The following DNAH8 variants were observed in gnomAD, a reference collection of about 807,000 sequenced individuals.
DNAH8 encodes the protein dynein axonemal heavy chain 8.
In DNAH8, 382 loss-of-function variants were observed where a neutral mutation model predicts 562.1. The observed-to-expected ratio is 0.68, with a 90% CI of 0.63 to 0.74. DNAH8 has a LOEUF of 0.74. DNAH8 is among the 30% of genes least tolerant of loss of function. The probability of loss-of-function intolerance (pLI) is 0.00; values close to 1 mark genes in which losing one functional copy is unlikely to be tolerated. For synonymous variants in DNAH8, 1,881 were observed against 1,919.4 expected, an observed-to-expected ratio of 0.98 and a Z score of 0.52; for missense variants, 5,203 against 5,620.4, an observed-to-expected ratio of 0.93 and a Z score of 2.37.
chr6:38,874,609 T>A (rs1777847475), intron 52 of DNAH8, among the ~76,000 whole-genome samples: 1 of 151,886 alleles, frequency 6.6e-6, no homozygotes, highest in Non-Finnish European at 1.5e-5. Context: ...ACTCAAGCAG[T>A]CCTCCTGCCT....
intron 11 of DNAH8, among the ~76,000 whole-genome samples, chr6:38,769,916 A>C (rs1270441440): frequency 1.3e-5 from 2 of 152,222 alleles, no homozygotes; most frequent in African/African-American, 4.8e-5. Context: ...CAGCAATCTT[A>C]TTCTCTTTTT....
rs149534667 is a variant in DNAH8, at chr6:38,775,873, A to G, written c.1884A>G (p.Gln628=). 917 of 1,612,684 alleles carry G rather than the reference A, an allele frequency of 5.7e-4. 4 individuals carry two copies. The African/African-American group carries it at 9.8e-3, about 17-fold the overall frequency. ...RNIYQGVKKK[Q]YDILDPRRTE... ...TATACCAAGGGGTTAAGAAAAAGCA[A>G]TATGACATTCTGGATCCAAGAAGGA... The change falls in exon 13 of 93, where the codon CAA becomes CAG. Residue 628 remains glutamine (Q), a synonymous_variant. Coordinates refer to ENST00000327475, the MANE Select transcript of DNAH8 (RefSeq NM_001206927.2).
At chr6:38,857,472 C>T in intron 41 of DNAH8, 46 bp from the exon 42 acceptor site, 1 of 1,344,096 alleles carries the variant, frequency 7.4e-7, no homozygotes, top group Non-Finnish European at 1.0e-6. Context: ...TGCAGATGTG[C>T]TTTAAATATT....
At chr6:38,942,751 A>C (rs1332683513) in intron 79 of DNAH8, among the ~76,000 whole-genome samples, 1 of 152,306 alleles carries the variant, frequency 6.6e-6, no homozygotes, top group South Asian at 2.1e-4. Context: ...CCTAGCCTGC[A>C]CCTGAGGTGT....
intron 28 of DNAH8, among the ~76,000 whole-genome samples, chr6:38,824,668 C>T (rs1773154819): frequency 6.6e-6 from 1 of 152,150 alleles, no homozygotes; most frequent in African/African-American, 2.4e-5. Context: ...AATTTGGCCA[C>T]TTGGGTTACT....
intron 56 of DNAH8, among the ~76,000 whole-genome samples, chr6:38,884,335 C>G (rs1778753244): frequency 6.6e-6 from 1 of 152,112 alleles, no homozygotes; most frequent in South Asian, 2.1e-4. Context: ...CTCTCTCACC[C>G]AAGCTCGAGT....
chr6:38,845,605 A>G lies in DNAH8; in HGVS notation c.4877A>G (p.Asp1626Gly). The G allele has an allele frequency of 1.2e-6, 2 of 1,613,930 alleles. No homozygotes were observed. The highest frequency in any genetic ancestry group is 1.7e-6 in the Non-Finnish European group (2 of 1,179,856). ...TGCATATCTGCCATTAAGGAGAAGG[A>G]TATCGAAGCCAAGCTGACTCAGGTG... is the stretch of plus-strand genomic sequence containing the variant. ...DICISAIKEKDIEAKLTQVIE... is the reference protein window; with the variant it reads ...DICISAIKEKGIEAKLTQVIE... Residue 1626 changes from aspartate to glycine, a missense_variant, in exon 36 of 93, where the codon GAT (aspartate) becomes GGT (glycine). Coordinates refer to ENST00000327475, the MANE Select transcript of DNAH8 (RefSeq NM_001206927.2).
chr6:38,859,772 C>G (rs1295136420), intron 42 of DNAH8, among the ~76,000 whole-genome samples: 1 of 152,222 alleles, frequency 6.6e-6, no homozygotes, highest in Non-Finnish European at 1.5e-5. Flanking sequence ...ATGCTGATGA[C>G]TAGGCAGATT....
intron 10 of DNAH8, among the ~76,000 whole-genome samples, chr6:38,756,861 T>G (rs1050127143): frequency 1.1e-4 from 16 of 152,174 alleles, no homozygotes; most frequent in Non-Finnish European, 2.1e-4. Flanking sequence ...CATCGTTTTT[T>G]ATGGCTGCAT....
rs1258211015 is a variant in DNAH8 at position 38,853,341 on chromosome 6, AG to A, written c.5728del (p.Ala1910HisfsTer32). The A allele has an allele frequency of 6.2e-7, 1 of 1,612,972 alleles. No homozygotes were observed. Among genetic ancestry groups the A allele is most frequent in the Non-Finnish European group, 8.5e-7 (1 of 1,179,584 alleles). On this transcript the variant is annotated frameshift_variant, in exon 41 of 93. Transcript: ENST00000327475. LOFTEE classifies it high-confidence loss of function. ...QLLPFLSHFP[A>X]QVGLLGIQML... is the part of the protein sequence containing the mutation. ...TCTTACCATTCCTCAGCCACTTTCC[AG>A]CACAGGTGAGAATACACAATGCTTA...
chr6:38,902,064 G>A (rs1015192673), intron 62 of DNAH8, among the ~76,000 whole-genome samples: 1 of 152,162 alleles, frequency 6.6e-6, no homozygotes, highest in Non-Finnish European at 1.5e-5. Context: ...GATTCCTGTA[G>A]GCATCTAAAT....
chr6:38,868,004 T>G, intron 47 of DNAH8, 58 bp from the exon 48 acceptor site: 2 of 1,549,666 alleles, frequency 1.3e-6, no homozygotes, highest in Non-Finnish European at 1.8e-6. Context: ...GAGTGAGCCG[T>G]GAGTCTATGT....
intron 62 of DNAH8, among the ~76,000 whole-genome samples, chr6:38,905,101 C>T (rs1780355759): frequency 6.6e-6 from 1 of 152,152 alleles, no homozygotes; most frequent in African/African-American, 2.4e-5. Flanking sequence ...ACTGGCCAGT[C>T]AGTGAGAGGA....
At position 38,973,521 on chromosome 6, in the gene DNAH8, A is replaced by T. The variant is rs535865213; in HGVS notation, c.12526-140A>T. 3 of 603,748 alleles carry T rather than the reference A, an allele frequency of 5.0e-6. No homozygotes were observed. The South Asian group carries it at 7.6e-5, about 15-fold the overall frequency. 37.4% of individuals were successfully genotyped at this position (603,748 alleles called of 1,614,324 possible). ...TACTTGTACCATAGCAGGAGAAATG[A>T]TTGTATTGACATATAATTTTTAAAA... is the stretch of plus-strand genomic sequence containing the variant. On this transcript the variant is annotated intron_variant, in intron 83 of 92. Transcript: ENST00000327475.
At chr6:38,843,367 T>C (rs1053305043) in intron 35 of DNAH8, among the ~76,000 whole-genome samples, 1 of 152,002 alleles carries the variant, frequency 6.6e-6, no homozygotes, top group Admixed American at 6.5e-5. Context: ...ATTTTTTCAT[T>C]AAAAATTTTC....
intron 81 of DNAH8, among the ~76,000 whole-genome samples, chr6:38,950,372 A>C (rs1024932059): frequency 6.7e-4 from 102 of 151,958 alleles, no homozygotes; most frequent in African/African-American, 2.3e-3. Context: ...TGTTTCTTAG[A>C]TATTGTCAAC....
At chr6:38,988,037 C>A (rs986177375) in intron 87 of DNAH8, among the ~76,000 whole-genome samples, 1 of 152,164 alleles carries the variant, frequency 6.6e-6, no homozygotes, top group African/African-American at 2.4e-5. Context: ...TCCACTTTAC[C>A]CTAACCATGT....
At chr6:38,911,703 T>C in intron 66 of DNAH8, 117 bp downstream of exon 66, 2 of 708,426 alleles carry the variant, frequency 2.8e-6, no homozygotes, top group Non-Finnish European at 4.8e-6. Context: ...TTGTTAGTAG[T>C]AGATAATTTT....
chr6:38,866,052 C>T (rs921612622), intron 45 of DNAH8, among the ~76,000 whole-genome samples: 5 of 152,162 alleles, frequency 3.3e-5, no homozygotes, highest in Non-Finnish European at 7.4e-5. Flanking sequence ...CAGTGTTTTT[C>T]CCATCATTCC....
Sources: allele counts gnomAD v4.1 joint callset (sites outside exome capture counted in the v4.1 genomes callset), GRCh38; gene constraint gnomAD v4.1.1; transcripts MANE v1.5; gene names NCBI Gene and HGNC (gene_info 2026-07-23, HGNC 2026-07-21).